Variants in ABCC3 observed in about 807,000 individuals in gnomAD.
ABCC3 encodes ATP-binding cassette sub-family C member 3.
In ABCC3, 121 loss-of-function variants were observed where a neutral mutation model predicts 165.3. That is an observed-to-expected ratio of 0.73 (90% CI 0.63 to 0.85). The LOEUF (loss-of-function observed/expected upper bound fraction) is 0.85, where lower values mean the gene tolerates loss of function less well. Among genes scored for constraint, ABCC3 ranks in the 40% least tolerant of loss-of-function variants. The pLI is 0.00. For synonymous variants in ABCC3, 733 were observed against 810.1 expected (o/e 0.90, Z 1.62); for missense variants, 1,869 against 1,964.1 (o/e 0.95, Z 0.92).
intron 1 of ABCC3, chr17:50,643,663 T>C (rs1567824432): frequency 4.4e-6 from 2 of 455,902 alleles, no homozygotes; most frequent in African/African-American, 2.0e-5. Context: ...ATGAAGAAGG[T>C]GGGTTTTCAG....
chr17:50,668,581 A>G (rs1456327145), intron 14 of ABCC3, 64 bp downstream of exon 14: 5 of 1,366,532 alleles, frequency 3.7e-6, no homozygotes, highest in Non-Finnish European at 5.2e-6. Flanking sequence ...CTCTGTTTCA[A>G]GCTTTTCCTT....
chr17:50,684,112 G>C lies in ABCC3; in HGVS notation c.4113+5G>C, dbSNP rs374015980. ...CAGCTGACCATCATCCCGCAGGTAG[G>C]AGCCTGGCATGGGCTGGCCACACTC... is the stretch of plus-strand genomic sequence containing the variant. On this transcript the variant is annotated splice_donor_5th_base_variant and intron_variant, in intron 28 of 30. Coordinates refer to ENST00000285238, the MANE Select transcript of ABCC3 (RefSeq NM_003786.4). 6.8e-6 allele frequency: 11 copies of C among 1,612,406 alleles called. No homozygotes were observed. Among genetic ancestry groups the C allele is most frequent in the Non-Finnish European group, 9.3e-6 (11 of 1,179,508 alleles).
Position 50,675,635 on chromosome 17 carries a change from C to G in ABCC3, c.2719C>G (p.Leu907Val), listed in dbSNP as rs1352357236. 1 of 1,566,570 alleles carries G rather than the reference C, an allele frequency of 6.4e-7. No homozygotes were observed. Among genetic ancestry groups the G allele is most frequent in the Non-Finnish European group, 8.7e-7 (1 of 1,155,788 alleles). The change falls in exon 21 of 31, where the codon CTG becomes GTG. Residue 907 changes from leucine to valine, a missense_variant. Transcript: ENST00000285238. Reference sequence around the variant, plus strand: ...CCTGACCAGCTGCCTCCACAGACAGCTGAGTGCCCTGTCCTCAGATGGGGA... The same window carrying G: ...CCTGACCAGCTGCCTCCACAGACAGGTGAGTGCCCTGTCCTCAGATGGGGA... Reference protein sequence around the residue: ...YVVQKQFMRQLSALSSDGEGQ... With the variant: ...YVVQKQFMRQVSALSSDGEGQ...
In ABCC3 at chr17:50,668,529, C is replaced by T. The variant is rs769935224; in HGVS notation, c.1870+12C>T. On this transcript the variant is annotated intron_variant, in intron 14 of 30. Coordinates refer to ENST00000285238, the MANE Select transcript of ABCC3 (RefSeq NM_003786.4). ...GACCATCTCCCCAGGTCTAGAGAGC[C>T]CCTACCTGGGCTGCCTGCCCCAGTC... The T allele has an allele frequency of 6.2e-7, 1 of 1,608,690 alleles. No homozygotes were observed. The highest frequency in any genetic ancestry group is 2.2e-5 in the East Asian group (1 of 44,860).
At chr17:50,683,430 G>A (rs1256120433) in intron 26 of ABCC3, among the ~76,000 whole-genome samples, 180 bp from the exon 27 acceptor site, 1 of 151,804 alleles carries the variant, frequency 6.6e-6, no homozygotes, top group Non-Finnish European at 1.5e-5. Flanking sequence ...GTAGGTCTGT[G>A]GGGAATAAAG....
intron 26 of ABCC3, among the ~76,000 whole-genome samples, chr17:50,682,026 G>A (rs1354487044): frequency 1.3e-5 from 2 of 151,968 alleles, no homozygotes; most frequent in African/African-American, 4.8e-5. Context: ...TCAACCCCAC[G>A]GCCCGTTCTC....
chr17:50,659,436 G>T (rs1483942426), intron 7 of ABCC3, 68 bp downstream of exon 7: 2 of 1,534,434 alleles, frequency 1.3e-6, no homozygotes, highest in Non-Finnish European at 1.8e-6. Context: ...AGAGGACGCT[G>T]GTAGACCTTG....
chr17:50,673,402 G>A (rs1052362157), intron 18 of ABCC3, 67 bp from the exon 19 acceptor site: 2 of 1,561,128 alleles, frequency 1.3e-6, no homozygotes, highest in African/African-American at 1.4e-5. Flanking sequence ...TCACTCTGTG[G>A]CTCCGTGCCT....
At chr17:50,673,724 G>C (rs1567835299) in intron 19 of ABCC3, 66 bp downstream of exon 19, 30 of 1,536,346 alleles carry the variant, frequency 2.0e-5, no homozygotes, top group Middle Eastern at 3.4e-4. Flanking sequence ...TGGGGTCTCT[G>C]AGTGTGTCTA....
intron 11 of ABCC3, among the ~76,000 whole-genome samples, chr17:50,666,171 G>A (rs985826254): frequency 6.6e-6 from 1 of 151,978 alleles, no homozygotes; most frequent in Admixed American, 6.6e-5. Flanking sequence ...TTACCTCTCG[G>A]CATTGAAGTC....
chr17:50,681,443 T>C (rs1967927889), intron 26 of ABCC3, among the ~76,000 whole-genome samples: 1 of 152,126 alleles, frequency 6.6e-6, no homozygotes, highest in Non-Finnish European at 1.5e-5. Flanking sequence ...GGACCTGGCT[T>C]CCTCAGTCCC....
rs772015196 is a variant in ABCC3, at chr17:50,673,548, CTGAGA to C, written c.2492_2496del (p.Glu831GlyfsTer24). 8.1e-6 allele frequency: 13 copies of C among 1,614,092 alleles called. No homozygotes were observed. The highest frequency in any genetic ancestry group is 9.3e-6 in the Non-Finnish European group (11 of 1,180,038). On this transcript the variant is annotated frameshift_variant, in exon 19 of 31. Coordinates refer to ENST00000285238, the MANE Select transcript of ABCC3 (RefSeq NM_003786.4). LOFTEE classifies it high-confidence loss of function. ...ATTGTGCTAGCTGATGGACAGGTGT[CTGAGA>C]TGGGCCCGTACCCAGCCCTGCTGCA...
chr17:50,683,548 C>A (rs772034866), intron 26 of ABCC3, 62 bp from the exon 27 acceptor site: 23 of 1,471,462 alleles, frequency 1.6e-5, no homozygotes, highest in Admixed American at 2.5e-5. Flanking sequence ...GGGAGAGAGA[C>A]CGAAAGGTGA....
chr17:50,673,258 T>G, intron 18 of ABCC3, 120 bp downstream of exon 18: 2 of 1,360,766 alleles, frequency 1.5e-6, no homozygotes, highest in Non-Finnish European at 2.0e-6. Flanking sequence ...GAAGTGGGCA[T>G]GTGGGTTGGG....
rs1597853501 is a variant in ABCC3, at chr17:50,667,746, A to G, written c.1624A>G (p.Ser542Gly). The G allele has an allele frequency of 1.9e-6, 3 of 1,613,954 alleles. No homozygotes were observed. Among genetic ancestry groups the G allele is most frequent in the Non-Finnish European group, 2.5e-6 (3 of 1,180,030 alleles). The change falls in exon 12 of 31, where the codon AGC becomes GGC. Residue 542 changes from serine to glycine, a missense_variant. Ser to Gly is a moderately conservative substitution (Grantham distance 56). Coordinates refer to ENST00000285238, the MANE Select transcript of ABCC3 (RefSeq NM_003786.4). ...CACAACCACCTTCACCTGGATGTGCAGCCCCTTCCTGGTGAGGCTTGGCAC... is the reference window on the plus strand; with the variant it reads ...CACAACCACCTTCACCTGGATGTGCGGCCCCTTCCTGGTGAGGCTTGGCAC... ...HTTTTFTWMC[S>G]PFLVTLITLW...
In ABCC3 at chr17:50,687,642, C is replaced by T; in HGVS notation, c.4387C>T (p.Leu1463Phe). 1 of 1,614,274 alleles carries T rather than the reference C, an allele frequency of 6.2e-7. No individual in the cohort carries two copies. The highest frequency in any genetic ancestry group is 8.5e-7 in the Non-Finnish European group (1 of 1,180,050). ...TAAIDLETDN[L>F]IQATIRTQFD... ...TGCCATCGACCTGGAGACTGACAAC[C>T]TCATCCAGGCTACCATCCGCACCCA... The change falls in exon 30 of 31, where the codon CTC becomes TTC. Residue 1463 changes from leucine (L) to phenylalanine (F), a missense_variant. Leu to Phe is a conservative substitution (Grantham distance 22, BLOSUM62 0). Coordinates refer to ENST00000285238, the MANE Select transcript of ABCC3 (RefSeq NM_003786.4).
chr17:50,665,114 C>G (rs1254945513), intron 10 of ABCC3, 39 bp from the exon 11 acceptor site: 1 of 1,575,196 alleles, frequency 6.3e-7, no homozygotes, highest in African/African-American at 1.3e-5. Context: ...CTTTGGTAAT[C>G]TGTCCCTATG....
At chr17:50,635,427 C>T (rs1391945446) in intron 1 of ABCC3, 1 of 699,876 alleles carries the variant, frequency 1.4e-6, no homozygotes, top group Non-Finnish European at 2.6e-6. Context: ...GCCCCCAGGG[C>T]ATCCAGAGCA....
chr17:50,661,188 C>A (rs1967376727), intron 8 of ABCC3, 74 bp downstream of exon 8: 2 of 1,440,646 alleles, frequency 1.4e-6, no homozygotes, highest in South Asian at 1.4e-5. Flanking sequence ...GAGGAAGGAA[C>A]AACGTACAGT....
Sources: allele counts gnomAD v4.1 joint callset (sites outside exome capture counted in the v4.1 genomes callset), GRCh38; gene constraint gnomAD v4.1.1; transcripts MANE v1.5; gene names NCBI Gene and HGNC (gene_info 2026-07-23, HGNC 2026-07-21).